Variants in MMP24 observed in about 807,000 individuals in gnomAD.
The protein encoded by MMP24 is matrix metallopeptidase 24.
In MMP24, 25 loss-of-function variants were observed where a neutral mutation model predicts 62.8. The ratio of observed to expected loss-of-function variants is 0.40; its 90% CI spans 0.29 to 0.56. The LOEUF (loss-of-function observed/expected upper bound fraction) is 0.56. MMP24 is among the 20% of genes least tolerant of loss of function. The pLI, the probability that MMP24 is intolerant of heterozygous loss-of-function variation, is 0.50. For synonymous variants in MMP24, 319 were observed against 350.5 expected (o/e 0.91, Z 1.00); for missense variants, 634 against 853.6 (o/e 0.74, Z 3.21).
At chr20:35,244,688 C>T (rs1362543342) in intron 1 of MMP24, among the ~76,000 whole-genome samples, 1 of 152,198 alleles carries the variant, frequency 6.6e-6, no homozygotes, top group African/African-American at 2.4e-5. Flanking sequence ...GATCCACCCA[C>T]CTTGGCCTTC....
At chr20:35,228,185 T>C (rs1259111944) in intron 1 of MMP24, among the ~76,000 whole-genome samples, 1 of 152,188 alleles carries the variant, frequency 6.6e-6, no homozygotes, top group Non-Finnish European at 1.5e-5. Context: ...ATACGTGCAC[T>C]GAAATTGCGT....
At chr20:35,245,129 C>G (rs571056367) in intron 1 of MMP24, among the ~76,000 whole-genome samples, 1 of 151,960 alleles carries the variant, frequency 6.6e-6, no homozygotes, top group African/African-American at 2.4e-5. Context: ...CGGGCTCAAG[C>G]GATCCTCCTG....
At chr20:35,235,515 G>A (rs2060458545) in intron 1 of MMP24, among the ~76,000 whole-genome samples, 1 of 152,142 alleles carries the variant, frequency 6.6e-6, no homozygotes, top group Non-Finnish European at 1.5e-5. Flanking sequence ...GGCCAATAGG[G>A]TGAAACCCTG....
chr20:35,229,696 A>G (rs1183324479), intron 1 of MMP24, among the ~76,000 whole-genome samples: 1 of 152,116 alleles, frequency 6.6e-6, no homozygotes, highest in Non-Finnish European at 1.5e-5. Flanking sequence ...CTACCCCTCC[A>G]TTAGCAGGCC....
rs1327031309 is a variant in MMP24 at position 35,263,972 on chromosome 20, G to A, written c.979+20G>A. 1.3e-5 allele frequency: 21 copies of A among 1,581,568 alleles called. No homozygotes were observed. Among genetic ancestry groups the A allele is most frequent in the Non-Finnish European group, 1.8e-5 (21 of 1,161,734 alleles). ...TCTATGGTGTGTGGCAGGGAGAGGGGGGACTGCTCCTTCCTCGGGGCTGGG... is the reference window on the plus strand; with the variant it reads ...TCTATGGTGTGTGGCAGGGAGAGGGAGGACTGCTCCTTCCTCGGGGCTGGG... On this transcript the variant is annotated intron_variant, in intron 5 of 8. Transcript: ENST00000246186.
Position 35,271,482 on chromosome 20 carries a change from T to TG in MMP24, c.1334-87_1334-86insG, listed in dbSNP as rs2060668664. The TG allele has an allele frequency of 8.7e-6, 13 of 1,496,452 alleles. No individual in the cohort carries two copies. The highest frequency in any genetic ancestry group is 1.8e-6 in the Non-Finnish European group (2 of 1,110,456). 92.7% of individuals were successfully genotyped at this position (1,496,452 alleles called of 1,614,324 possible). A position where few individuals can be genotyped will look rare whatever the true frequency, so the allele number is the denominator to read the frequency against. On this transcript the variant is annotated intron_variant, in intron 7 of 8. Transcript: ENST00000246186. This position sits in a 1 kb window ranked among gnomAD's most constrained non-coding sequence, Gnocchi z 4.0. ...TAACTGGGCCAAGGGGCTGAGGGCA[T>TG]CAGACTGTTTTCACCTGACACCCTG...
intron 1 of MMP24, among the ~76,000 whole-genome samples, chr20:35,241,067 T>C (rs74942444): frequency 6.6e-6 from 1 of 152,134 alleles, no homozygotes; most frequent in Non-Finnish European, 1.5e-5. Flanking sequence ...AGTTTGCTAA[T>C]GTGCATAAAG....
intron 1 of MMP24, among the ~76,000 whole-genome samples, chr20:35,241,683 C>T (rs914009760): frequency 6.6e-5 from 10 of 152,160 alleles, no homozygotes; most frequent in African/African-American, 2.4e-4. Context: ...AAACGAGCTG[C>T]GTAAACCAGG....
At chr20:35,252,687 T>C (rs1303771014) in intron 3 of MMP24, among the ~76,000 whole-genome samples, 3 of 152,148 alleles carry the variant, frequency 2.0e-5, no homozygotes, top group Non-Finnish European at 4.4e-5. Context: ...CATCTCCAAG[T>C]CAGATCAGTG....
intron 2 of MMP24, among the ~76,000 whole-genome samples, chr20:35,248,737 G>A (rs1037060896): frequency 6.6e-6 from 1 of 152,174 alleles, no homozygotes; most frequent in South Asian, 2.1e-4. Context: ...TTCTTCTCCT[G>A]TGCTGTTGTG....
At chr20:35,267,562 G>A (rs186292338) in intron 6 of MMP24, 143 bp downstream of exon 6, 2 of 853,968 alleles carry the variant, frequency 2.3e-6, no homozygotes, top group Admixed American at 2.7e-5. Context: ...GCCAGGGCAT[G>A]GGGTCTCTTC....
intron 2 of MMP24, 102 bp downstream of exon 2, chr20:35,247,090 T>C (rs1178331025): frequency 2.2e-6 from 3 of 1,380,448 alleles, no homozygotes; most frequent in Non-Finnish European, 2.0e-6. Flanking sequence ...CCTCCCTTCC[T>C]ATCTTTTATT....
In MMP24 at chr20:35,226,788, C is replaced by T. The variant is rs2060414817; in HGVS notation, c.50C>T (p.Pro17Leu). The T allele has an allele frequency of 1.0e-6, 1 of 964,400 alleles. No homozygotes were observed. Among genetic ancestry groups the T allele is most frequent in the East Asian group, 1.2e-4 (1 of 8,488 alleles). The allele number at this position is 964,400 out of a possible 1,614,324, so 59.7% of individuals were successfully genotyped here. Residue 17 changes from proline to leucine, a missense_variant, in exon 1 of 9, where the codon CCG becomes CTG. Coordinates refer to ENST00000246186, the MANE Select transcript of MMP24 (RefSeq NM_006690.4). ...GRAAPGPPPPPPPPGQAPRWS... is the reference protein window; with the variant it reads ...GRAAPGPPPPLPPPGQAPRWS... ...GCCGCGCCGGGGCCGCCGCCGCCGC[C>T]GCCGCCGCCGGGCCAGGCCCCGCGC...
Position 35,271,589 on chromosome 20 carries a change from AAGG to A in MMP24, c.1358_1360del (p.Glu453del), listed in dbSNP as rs2060669460. 1 of 1,613,032 alleles carries A rather than the reference AAGG, an allele frequency of 6.2e-7. No individual in the cohort carries two copies. Among genetic ancestry groups the A allele is most frequent in the Non-Finnish European group, 8.5e-7 (1 of 1,179,570 alleles). On this transcript the variant is annotated inframe_deletion, in exon 8 of 9. Transcript: ENST00000246186. This position sits in a 1 kb window ranked among gnomAD's most constrained non-coding sequence, Gnocchi z 4.0. ...CACAGGTGACAAGTATTGGGTGTTT[AAGG>A]AGGTGACGGTGGAGCCTGGGTACCC...
At chr20:35,256,327 A>G (rs1032477375) in intron 4 of MMP24, 1 of 152,232 alleles carries the variant, frequency 6.6e-6, no homozygotes, top group Non-Finnish European at 1.5e-5. Flanking sequence ...GAATCTGGGC[A>G]TTATGGCCCT....
At chr20:35,242,428 G>C (rs1485544030) in intron 1 of MMP24, among the ~76,000 whole-genome samples, 1 of 152,092 alleles carries the variant, frequency 6.6e-6, no homozygotes, top group Non-Finnish European at 1.5e-5. Context: ...GTGGTCTGAA[G>C]GATGAAAAAA....
intron 1 of MMP24, among the ~76,000 whole-genome samples, chr20:35,242,123 G>A (rs1484014728): frequency 6.6e-6 from 1 of 152,144 alleles, no homozygotes; most frequent in African/African-American, 2.4e-5. Flanking sequence ...CCTGAGCCCA[G>A]GAGTTCAAGA....
chr20:35,235,584 G>C (rs959105205), intron 1 of MMP24, among the ~76,000 whole-genome samples: 2 of 152,174 alleles, frequency 1.3e-5, no homozygotes, highest in African/African-American at 2.4e-5. Flanking sequence ...TGTAATCCCA[G>C]CTACTTAGGA....
chr20:35,243,128 G>A (rs1285157239), intron 1 of MMP24, among the ~76,000 whole-genome samples: 2 of 151,310 alleles, frequency 1.3e-5, no homozygotes, highest in Non-Finnish European at 2.9e-5. Flanking sequence ...GCAGTGAGCC[G>A]AGATCACACC....
Sources: allele counts gnomAD v4.1 joint callset (sites outside exome capture counted in the v4.1 genomes callset), GRCh38; gene constraint gnomAD v4.1.1; non-coding constraint Gnocchi (gnomAD v3.1); transcripts MANE v1.5; gene names NCBI Gene and HGNC (gene_info 2026-07-23, HGNC 2026-07-21).